Variants in PCDHA12 observed in about 807,000 individuals in gnomAD.
The protein encoded by PCDHA12 is protocadherin alpha-12.
Under a neutral mutation model 60.0 loss-of-function variants are expected in PCDHA12, and 44 were observed. That is an observed-to-expected ratio of 0.73 (90% confidence interval 0.58 to 0.94). The LOEUF is 0.94. PCDHA12 is among the 40% of genes least tolerant of loss of function. The probability of loss-of-function intolerance (pLI) is 0.00; values close to 1 mark genes in which losing one functional copy is unlikely to be tolerated. For missense variants in PCDHA12, 1,276 were observed against 1,239.7 expected, an observed-to-expected ratio of 1.03 and a Z score of -0.44; for synonymous variants, 569 against 553.0, an observed-to-expected ratio of 1.03 and a Z score of -0.40.
rs145253621 is a variant in PCDHA12, at chr5:140,991,776, T to A, written c.2515+9213T>A. 4.1e-3 allele frequency among the ~76,000 whole-genome samples: 632 copies of A among 152,312 alleles called. 6 individuals carry two copies. Among genetic ancestry groups the A allele is most frequent in the South Asian group, 0.036 (174 of 4,822 alleles). ...CATGCTCTTCAAAATTCTTCTAGACTCTGCCCATTTCCCAATCTCAAGGCC... is the reference window on the plus strand; with the variant it reads ...CATGCTCTTCAAAATTCTTCTAGACACTGCCCATTTCCCAATCTCAAGGCC... On this transcript the variant is annotated intron_variant, in intron 3 of 3. Coordinates refer to ENST00000398631, the MANE Select transcript of PCDHA12 (RefSeq NM_018903.4).
At chr5:140,958,913 C>T (rs1367853733) in intron 1 of PCDHA12, among the ~76,000 whole-genome samples, 12 of 151,050 alleles carry the variant, frequency 7.9e-5, no homozygotes, top group Non-Finnish European at 8.8e-5. Context: ...AAAAGTCTGC[C>T]TGGGTGTGGT....
At chr5:141,006,741 A>G (rs1275777013) in intron 3 of PCDHA12, among the ~76,000 whole-genome samples, 2 of 152,208 alleles carry the variant, frequency 1.3e-5, no homozygotes, top group Non-Finnish European at 2.9e-5. Flanking sequence ...TTGATGATGT[A>G]TTATAAATGG....
intron 1 of PCDHA12, among the ~76,000 whole-genome samples, chr5:140,895,467 T>A (rs1201680855): frequency 6.6e-6 from 1 of 152,204 alleles, no homozygotes. Flanking sequence ...CATTTCTTTA[T>A]CCTCTTCGGA....
At position 141,009,699 on chromosome 5, in the gene PCDHA12, G is replaced by A. The variant is rs1554262287; in HGVS notation, c.2588G>A (p.Gly863Glu). Residue 863 changes from glycine to glutamate, a missense_variant, in exon 4 of 4, where the codon GGA becomes GAA. Gly to Glu is a moderately conservative substitution (Grantham distance 98, BLOSUM62 -2). Transcript: ENST00000398631. ...AGCAACAGCTGGACCTTTAAATACG[G>A]ACCAGGCAACCCCAAACAATCCGGT... Reference protein sequence around the residue: ...VNSNSWTFKYGPGNPKQSGPG... With the variant: ...VNSNSWTFKYEPGNPKQSGPG... 1 of 1,614,030 alleles carries A rather than the reference G, an allele frequency of 6.2e-7. No individual in the cohort carries two copies. The highest frequency in any genetic ancestry group is 8.5e-7 in the Non-Finnish European group (1 of 1,180,010).
At chr5:140,993,468 AC>A (rs2097564676) in intron 3 of PCDHA12, among the ~76,000 whole-genome samples, 1 of 69,412 alleles carries the variant, frequency 1.4e-5, no homozygotes, top group South Asian at 5.5e-4. Context: ...TTTCTCACAC[AC>A]ACACACACAC....
chr5:140,877,144 G>C lies in PCDHA12; in HGVS notation c.1672G>C (p.Glu558Gln). 1.2e-6 allele frequency: 2 copies of C among 1,613,772 alleles called. No homozygotes were observed. Among genetic ancestry groups the C allele is most frequent in the South Asian group, 1.1e-5 (1 of 91,074 alleles). The change falls in exon 1 of 4, where the codon GAG becomes CAG. Residue 558 changes from glutamate to glutamine, a missense_variant. Physicochemically the swap from Glu to Gln is conservative, Grantham distance 29. Transcript: ENST00000398631. The part of the protein sequence containing the change: ...NVTLQVFVLD[E>Q]NDNAPALLAT... ...GACGCTGCAGGTGTTCGTGCTGGAC[G>C]AGAACGACAACGCGCCGGCACTGCT...
At chr5:140,976,753 G>A (rs2096729890) in intron 1 of PCDHA12, among the ~76,000 whole-genome samples, 1 of 152,130 alleles carries the variant, frequency 6.6e-6, no homozygotes. Context: ...CCTCCCAGAT[G>A]CCAGAAGCCT....
chr5:140,945,201 T>G (rs1168662297), intron 1 of PCDHA12, among the ~76,000 whole-genome samples: 1 of 152,172 alleles, frequency 6.6e-6, no homozygotes, highest in Middle Eastern at 3.4e-3. Context: ...CTATTTACAA[T>G]AGCTATGAGA....
At chr5:140,894,133 A>G (rs782349927) in intron 1 of PCDHA12, among the ~76,000 whole-genome samples, 14 of 152,166 alleles carry the variant, frequency 9.2e-5, no homozygotes, top group Non-Finnish European at 1.8e-4. Flanking sequence ...ATAACTTGAA[A>G]TAATTCCCTT....
intron 3 of PCDHA12, among the ~76,000 whole-genome samples, chr5:140,990,479 G>A (rs1227837227): frequency 3.3e-5 from 5 of 152,184 alleles, no homozygotes; most frequent in Non-Finnish European, 5.9e-5. Context: ...GTATCAAGCT[G>A]AATAGTGAGG....
chr5:140,978,894 C>G, intron 1 of PCDHA12, 55 bp from the exon 2 acceptor site: 1 of 1,612,598 alleles, frequency 6.2e-7, no homozygotes, highest in South Asian at 1.1e-5. Flanking sequence ...AGCAGCATTC[C>G]TGGGAGAACA....
Position 140,876,296 on chromosome 5 carries a change from G to C in PCDHA12, c.824G>C (p.Gly275Ala), listed in dbSNP as rs1337465467. The change falls in exon 1 of 4, where the codon GGA (glycine) becomes GCA (alanine). Residue 275 changes from glycine to alanine, a missense_variant. Coordinates refer to ENST00000398631, the MANE Select transcript of PCDHA12 (RefSeq NM_018903.4). Reference protein sequence around the residue: ...NASDPDEGLNGEISYGIKMIL... With the variant: ...NASDPDEGLNAEISYGIKMIL... ...TCCGATCCAGACGAAGGACTTAATGGAGAAATTTCCTATGGGATCAAAATG... is the reference window on the plus strand; with the variant it reads ...TCCGATCCAGACGAAGGACTTAATGCAGAAATTTCCTATGGGATCAAAATG... 19 of 1,613,952 alleles carry C rather than the reference G, an allele frequency of 1.2e-5. No individual in the cohort carries two copies. Among genetic ancestry groups the C allele is most frequent in the Non-Finnish European group, 1.6e-5 (19 of 1,179,904 alleles).
At chr5:140,877,947 G>A (rs1266600808) in intron 1 of PCDHA12, 108 bp downstream of exon 1, 2 of 1,351,230 alleles carry the variant, frequency 1.5e-6, no homozygotes, top group African/African-American at 1.5e-5. Context: ...TTAAACTATC[G>A]AATGTCTCAT....
chr5:141,009,707 A>C lies in PCDHA12; in HGVS notation c.2596A>C (p.Asn866His). 6.2e-7 allele frequency: 1 copy of C among 1,614,144 alleles called. No individual in the cohort carries two copies. Among genetic ancestry groups the C allele is most frequent in the African/African-American group, 1.3e-5 (1 of 75,024 alleles). The change falls in exon 4 of 4, where the codon AAC becomes CAC. Residue 866 changes from asparagine (N) to histidine (H), a missense_variant. By Grantham distance (68) the Asn-to-His change is moderately conservative. Transcript: ENST00000398631. ...CTGGACCTTTAAATACGGACCAGGC[A>C]ACCCCAAACAATCCGGTCCCGGTGA... is the stretch of plus-strand genomic sequence containing the variant. ...NSWTFKYGPG[N>H]PKQSGPGELP...
At chr5:140,885,203 C>A (rs1348633653) in intron 1 of PCDHA12, among the ~76,000 whole-genome samples, 2 of 151,986 alleles carry the variant, frequency 1.3e-5, no homozygotes, top group African/African-American at 2.4e-5. Flanking sequence ...TCTCATATAT[C>A]CCATGAAAAA....
chr5:140,936,134 C>A (rs782197390), intron 1 of PCDHA12, among the ~76,000 whole-genome samples: 1 of 152,176 alleles, frequency 6.6e-6, no homozygotes, highest in Non-Finnish European at 1.5e-5. Context: ...CTTAAGTGAT[C>A]TGCCCGCCTT....
Position 140,898,113 on chromosome 5 carries a change from C to G in PCDHA12, c.2367+20274C>G, listed in dbSNP as rs369408845. 3.9e-5 allele frequency among the ~76,000 whole-genome samples: 6 copies of G among 151,952 alleles called. No individual in the cohort carries two copies. The East Asian group carries it at 1.2e-3, about 29-fold the overall frequency. ...AGCCCTTTGTCAGATGAGTAGGTTG[C>G]GAAAATTTTCTCCCATTTTGTAGGT... On this transcript the variant is annotated intron_variant, in intron 1 of 3. Coordinates refer to ENST00000398631, the MANE Select transcript of PCDHA12 (RefSeq NM_018903.4).
chr5:140,987,407 T>C (rs1301920693), intron 3 of PCDHA12, among the ~76,000 whole-genome samples: 3 of 152,148 alleles, frequency 2.0e-5, no homozygotes, highest in Non-Finnish European at 4.4e-5. Flanking sequence ...CATCTGTTTA[T>C]GGTTCTTGTG....
chr5:140,951,773 A>T (rs1554220071), intron 1 of PCDHA12, among the ~76,000 whole-genome samples: 1 of 152,198 alleles, frequency 6.6e-6, no homozygotes, highest in East Asian at 1.9e-4. Context: ...TGACGTTCTT[A>T]CATTGCAAAA....
Sources: allele counts gnomAD v4.1 joint callset (sites outside exome capture counted in the v4.1 genomes callset), GRCh38; gene constraint gnomAD v4.1.1; transcripts MANE v1.5; gene names NCBI Gene and HGNC (gene_info 2026-07-23, HGNC 2026-07-21).